DAB2IP: variants seen among roughly 807,000 people sequenced by gnomAD.
DAB2IP encodes DAB2 interacting protein, also known as disabled homolog 2-interacting protein.
In DAB2IP, 28 loss-of-function variants were observed where a neutral mutation model predicts 107.2. That is an observed-to-expected ratio of 0.26 (90% CI 0.19 to 0.36). The LOEUF is 0.36. Ranked by LOEUF, DAB2IP falls within the 10% of genes least tolerant of loss-of-function variation. The pLI, the probability that DAB2IP is intolerant of heterozygous loss-of-function variation, is 1.00. For missense variants in DAB2IP, 1,400 were observed against 1,644.7 expected, an observed-to-expected ratio of 0.85 and a Z score of 2.57; for synonymous variants, 755 against 706.4, an observed-to-expected ratio of 1.07 and a Z score of -1.09.
At chr9:121,666,907 CACACACACA>C (rs1358469762) in intron 1 of DAB2IP, among the ~76,000 whole-genome samples, 64 of 132,318 alleles carry the variant, frequency 4.8e-4, no homozygotes, top group Admixed American at 1.3e-3. Flanking sequence ...CACACACACA[CACACACACA>C]ACACTCTTAA....
At chr9:121,742,598 C>T (rs1832433750) in intron 3 of DAB2IP, among the ~76,000 whole-genome samples, 1 of 152,216 alleles carries the variant, frequency 6.6e-6, no homozygotes, top group African/African-American at 2.4e-5. Flanking sequence ...ACTAGGCAGG[C>T]CCTGCCCACC....
chr9:121,572,457 G>T (rs888942525), intron 1 of DAB2IP, among the ~76,000 whole-genome samples: 1 of 152,188 alleles, frequency 6.6e-6, no homozygotes, highest in African/African-American at 2.4e-5. Context: ...TTAATGAGTG[G>T]CATGAGCTGG....
intron 3 of DAB2IP, among the ~76,000 whole-genome samples, chr9:121,746,998 T>C (rs1399613542): frequency 8.5e-5 from 13 of 152,144 alleles, no homozygotes; most frequent in Admixed American, 7.9e-4. Flanking sequence ...TGAAACATTC[T>C]CAGGAGTGGT....
exon 12 of DAB2IP, chr9:121,773,339 C>A: frequency 6.4e-7 from 1 of 1,571,410 alleles, no homozygotes. Flanking sequence ...GGACGCCCCC[C>A]AACCTGCTGA....
chr9:121,586,340 T>A (rs960170060), intron 1 of DAB2IP, among the ~76,000 whole-genome samples: 4 of 152,224 alleles, frequency 2.6e-5, no homozygotes, highest in Non-Finnish European at 4.4e-5. Context: ...TCGAATCACT[T>A]CTCTATAGCG....
intron 1 of DAB2IP, among the ~76,000 whole-genome samples, chr9:121,610,778 G>C (rs1257392065): frequency 6.6e-6 from 1 of 152,132 alleles, no homozygotes; most frequent in African/African-American, 2.4e-5. Context: ...CGGTATGCAG[G>C]CTCCATGAGA....
chr9:121,657,156 C>T (rs1473668698), intron 1 of DAB2IP, among the ~76,000 whole-genome samples: 3 of 152,218 alleles, frequency 2.0e-5, no homozygotes, highest in Non-Finnish European at 4.4e-5. Context: ...GCCAACCATG[C>T]CCTTTCCCAG....
intron 3 of DAB2IP, among the ~76,000 whole-genome samples, chr9:121,749,357 G>T (rs2118927346): frequency 6.6e-6 from 1 of 152,334 alleles, no homozygotes; most frequent in East Asian, 1.9e-4. Flanking sequence ...GACGCTTCTA[G>T]CACAGCCTCT....
At chr9:121,576,705 G>C (rs1167681298) in intron 1 of DAB2IP, among the ~76,000 whole-genome samples, 1 of 152,182 alleles carries the variant, frequency 6.6e-6, no homozygotes, top group Non-Finnish European at 1.5e-5. Context: ...TGTGGCAGGA[G>C]ATGTTGGTGT....
chr9:121,727,450 A>G (rs1831294678), intron 3 of DAB2IP, among the ~76,000 whole-genome samples: 1 of 152,240 alleles, frequency 6.6e-6, no homozygotes, highest in South Asian at 2.1e-4. Context: ...GTGCCTTAGC[A>G]TGGCAGTGGG....
At chr9:121,737,995 C>T (rs1421942685) in intron 3 of DAB2IP, among the ~76,000 whole-genome samples, 1 of 152,046 alleles carries the variant, frequency 6.6e-6, no homozygotes, top group African/African-American at 2.4e-5. Flanking sequence ...ACTGGTTCCT[C>T]CTCCAGGGAA....
At chr9:121,602,985 G>C (rs1235460468) in intron 1 of DAB2IP, among the ~76,000 whole-genome samples, 1 of 152,212 alleles carries the variant, frequency 6.6e-6, no homozygotes, top group Non-Finnish European at 1.5e-5. Flanking sequence ...TGGGATTGTA[G>C]GCATGAGCCA....
chr9:121,746,927 A>C (rs1832761633), intron 3 of DAB2IP, among the ~76,000 whole-genome samples: 1 of 152,132 alleles, frequency 6.6e-6, no homozygotes, highest in African/African-American at 2.4e-5. Flanking sequence ...GTGTGTTCAC[A>C]TGTGAGGAGG....
chr9:121,681,676 C>T (rs1319950750), intron 2 of DAB2IP, among the ~76,000 whole-genome samples: 1 of 152,202 alleles, frequency 6.6e-6, no homozygotes, highest in Non-Finnish European at 1.5e-5. Context: ...GACTGCCGGA[C>T]ATCTACGTTT....
At chr9:121,749,312 C>A (rs1163458555) in intron 3 of DAB2IP, among the ~76,000 whole-genome samples, 2 of 152,248 alleles carry the variant, frequency 1.3e-5, no homozygotes, top group Non-Finnish European at 1.5e-5. Flanking sequence ...TTCATTGTGA[C>A]CATGTCCAGA....
rs1312187333 is a variant in DAB2IP, at chr9:121,736,370, G to GT, written c.363-20641dup. 2.6e-5 allele frequency among the ~76,000 whole-genome samples: 4 copies of GT among 152,124 alleles called. No individual in the cohort carries two copies. The highest frequency in any genetic ancestry group is 2.0e-4 in the Admixed American group (3 of 15,284). On this transcript the variant is annotated intron_variant, in intron 3 of 15. Transcript: ENST00000408936. The surrounding 1 kb of genome is among the most constrained non-coding windows in gnomAD (Gnocchi z 4.6). ...AGACTCGCACGAAGGTGGGGAAGGA[G>GT]TTGCAAGGCAGAGACCCCCGAACCC... is the stretch of plus-strand genomic sequence containing the variant.
At chr9:121,739,525 C>T (rs769820457) in intron 3 of DAB2IP, among the ~76,000 whole-genome samples, 27 of 152,142 alleles carry the variant, frequency 1.8e-4, no homozygotes, top group Non-Finnish European at 3.2e-4. Context: ...GGAGGCTGCC[C>T]GGACAGCAGG....
At chr9:121,770,577 G>A (rs371856149) in exon 11 of DAB2IP, 21 of 1,613,918 alleles carry the variant, frequency 1.3e-5, no homozygotes, top group East Asian at 6.7e-5. Flanking sequence ...CCCCTGCCTC[G>A]GATCCTGAGG....
intron 3 of DAB2IP, among the ~76,000 whole-genome samples, chr9:121,741,151 C>T (rs911374486): frequency 5.3e-5 from 8 of 152,188 alleles, no homozygotes; most frequent in African/African-American, 1.9e-4. Flanking sequence ...CCCACATGCG[C>T]ACCAGATGCA....
Sources: allele counts gnomAD v4.1 joint callset (sites outside exome capture counted in the v4.1 genomes callset), GRCh38; gene constraint gnomAD v4.1.1; non-coding constraint Gnocchi (gnomAD v3.1); transcripts MANE v1.5; gene names NCBI Gene and HGNC (gene_info 2026-07-23, HGNC 2026-07-21).